The following FERMT2 variants were observed in gnomAD, a reference collection of about 807,000 sequenced individuals.
The protein encoded by FERMT2 is FERM domain containing kindlin 2.
Under a neutral mutation model 82.7 loss-of-function variants are expected in FERMT2, and 15 were observed. That is an observed-to-expected ratio of 0.18 (90% CI 0.12 to 0.28). The LOEUF is 0.28. Ranked by LOEUF, FERMT2 falls within the 10% of genes least tolerant of loss-of-function variation. FERMT2 has a pLI of 1.00. For missense variants in FERMT2, 645 were observed against 809.4 expected (o/e 0.80, Z 2.46); for synonymous variants, 274 against 271.5 (o/e 1.01, Z -0.09).
At chr14:52,875,424 C>A in intron 7 of FERMT2, 67 bp from the exon 8 acceptor site, 1 of 1,212,326 alleles carries the variant, frequency 8.2e-7, no homozygotes, top group Admixed American at 2.1e-5. Flanking sequence ...AAATTACTAT[C>A]TGAATCTATA....
chr14:52,949,864 C>T (rs1890542207), intron 2 of FERMT2, among the ~76,000 whole-genome samples: 2 of 152,266 alleles, frequency 1.3e-5, no homozygotes, highest in African/African-American at 4.8e-5. Context: ...AAGCACTGCC[C>T]CACCCCTAGT....
At chr14:52,859,063 G>A (rs1333938959) in intron 14 of FERMT2, 1 of 156,982 alleles carries the variant, frequency 6.4e-6, no homozygotes, top group Non-Finnish European at 1.4e-5. Flanking sequence ...CCAAGACTGG[G>A]GGCAACATGA....
chr14:52,942,138 T>C (rs1890112836), intron 2 of FERMT2, among the ~76,000 whole-genome samples: 1 of 152,114 alleles, frequency 6.6e-6, no homozygotes, highest in African/African-American at 2.4e-5. Context: ...TTTCCTTTTT[T>C]TCCTTCCTAC....
intron 12 of FERMT2, chr14:52,863,438 C>G (rs1885077288): frequency 6.6e-6 from 1 of 152,072 alleles, no homozygotes; most frequent in Non-Finnish European, 1.5e-5. Flanking sequence ...CTTCGTCTCC[C>G]CACCCCCAAA....
At chr14:52,885,794 T>C (rs1245025534) in intron 4 of FERMT2, among the ~76,000 whole-genome samples, 1 of 152,076 alleles carries the variant, frequency 6.6e-6, no homozygotes, top group African/African-American at 2.4e-5. Flanking sequence ...TTTAAAAAAT[T>C]TTCACCAAAA....
At chr14:52,894,725 C>T (rs761359734) in intron 3 of FERMT2, among the ~76,000 whole-genome samples, 1 of 151,916 alleles carries the variant, frequency 6.6e-6, no homozygotes, top group African/African-American at 2.4e-5. Flanking sequence ...GTTTTAAAGA[C>T]CATTAACCCT....
At chr14:52,874,373 C>T in intron 8 of FERMT2, 147 bp from the exon 9 acceptor site, 1 of 516,558 alleles carries the variant, frequency 1.9e-6, no homozygotes, top group Non-Finnish European at 3.3e-6. Flanking sequence ...AATCACATTA[C>T]ATAGTCTTGT....
At position 52,912,693 on chromosome 14, in the gene FERMT2, A is replaced by G. The variant is rs541262497; in HGVS notation, c.391+6430T>C. On this transcript the variant is annotated intron_variant, in intron 3 of 14. Coordinates refer to ENST00000341590, the MANE Select transcript of FERMT2 (RefSeq NM_006832.3). ...CCCGGCTACTTTTTGTATTTTTAGTAGAGACAGTGTTTCACCATGTTGGCC... is the reference window on the plus strand; with the variant it reads ...CCCGGCTACTTTTTGTATTTTTAGTGGAGACAGTGTTTCACCATGTTGGCC... 2.6e-5 allele frequency among the ~76,000 whole-genome samples: 4 copies of G among 151,766 alleles called. No individual in the cohort carries two copies. In the South Asian group the frequency reaches 8.4e-4, roughly 32 times the overall value.
At chr14:52,914,616 T>G (rs1216971076) in intron 3 of FERMT2, among the ~76,000 whole-genome samples, 1 of 151,418 alleles carries the variant, frequency 6.6e-6, no homozygotes, top group Non-Finnish European at 1.5e-5. Context: ...ACATGATTGC[T>G]TACATAGAAA....
chr14:52,895,357 T>A (rs1259026082), intron 3 of FERMT2, among the ~76,000 whole-genome samples: 1 of 152,204 alleles, frequency 6.6e-6, no homozygotes, highest in Non-Finnish European at 1.5e-5. Flanking sequence ...CCCCTAGTTA[T>A]TTACCCAAGA....
chr14:52,890,769 A>T (rs923799266), intron 4 of FERMT2, among the ~76,000 whole-genome samples: 1 of 151,688 alleles, frequency 6.6e-6, no homozygotes, highest in African/African-American at 2.4e-5. Context: ...ACGCCTGGCT[A>T]ATTTTGTATT....
intron 2 of FERMT2, among the ~76,000 whole-genome samples, chr14:52,920,822 T>C (rs1888917118): frequency 6.6e-6 from 1 of 152,132 alleles, no homozygotes; most frequent in African/African-American, 2.4e-5. Context: ...CATGTGCCTG[T>C]AGTCCCTGCT....
chr14:52,932,347 C>T (rs143256356), intron 2 of FERMT2, among the ~76,000 whole-genome samples: 35 of 152,260 alleles, frequency 2.3e-4, no homozygotes, highest in African/African-American at 8.4e-4. Flanking sequence ...GATTATCCTG[C>T]ACATCTCTTA....
intron 4 of FERMT2, among the ~76,000 whole-genome samples, chr14:52,890,539 C>T (rs1041327890): frequency 6.6e-6 from 1 of 151,326 alleles, no homozygotes; most frequent in African/African-American, 2.4e-5. Context: ...CAAAACATCA[C>T]TATGCAGCAC....
chr14:52,884,594 TCC>T (rs1406357115), intron 4 of FERMT2, among the ~76,000 whole-genome samples: 2 of 150,112 alleles, frequency 1.3e-5, no homozygotes, highest in African/African-American at 4.9e-5. Flanking sequence ...AGAGCGAAAC[TCC>T]GTCTCAAAAA....
At chr14:52,933,566 C>T (rs1000996741) in intron 2 of FERMT2, among the ~76,000 whole-genome samples, 4 of 151,460 alleles carry the variant, frequency 2.6e-5, no homozygotes, top group Non-Finnish European at 5.9e-5. Flanking sequence ...CAAAATTAGC[C>T]GGGCATGGTG....
chr14:52,942,651 G>C (rs1164983446), intron 2 of FERMT2, among the ~76,000 whole-genome samples: 1 of 152,046 alleles, frequency 6.6e-6, no homozygotes, highest in Non-Finnish European at 1.5e-5. Context: ...AACCCACTCA[G>C]GTTGGATTCA....
rs17093024 is a variant in FERMT2, at chr14:52,874,413, T to C, written c.1099-187A>G. On this transcript the variant is annotated intron_variant, in intron 8 of 14. Transcript: ENST00000341590. ...CATATTCTTCTTGGTACAAAGGCAT[T>C]TTCAAATAGCATAAAAGGTTAACAA... Among the ~76,000 whole-genome samples, 3,721 of 152,240 alleles carry C rather than the reference T, an allele frequency of 0.024. 153 individuals are homozygous for C. The highest frequency in any genetic ancestry group is 0.085 in the African/African-American group (3,541 of 41,532).
In FERMT2 at chr14:52,898,192, G is replaced by A. The variant is rs535231179; in HGVS notation, c.392-4765C>T. On this transcript the variant is annotated intron_variant, in intron 3 of 14. Coordinates refer to ENST00000341590, the MANE Select transcript of FERMT2 (RefSeq NM_006832.3). ...GCTCTTTAATTATTAATAAATTTGG[G>A]GTAAGTATATCTAATAAAGAGCAGA... Among the ~76,000 whole-genome samples, 15 of 152,048 alleles carry A rather than the reference G, an allele frequency of 9.9e-5. 1 individual carries two copies. In the South Asian group the frequency reaches 2.9e-3, roughly 29 times the overall value.
Sources: allele counts gnomAD v4.1 joint callset (sites outside exome capture counted in the v4.1 genomes callset), GRCh38; gene constraint gnomAD v4.1.1; transcripts MANE v1.5; gene names NCBI Gene and HGNC (gene_info 2026-07-23, HGNC 2026-07-21).